The following TXNDC5 variants were observed in gnomAD, a reference collection of about 807,000 sequenced individuals.
The protein encoded by TXNDC5 is thioredoxin domain-containing protein 5.
A neutral mutation model predicts 52.6 loss-of-function variants in TXNDC5; 44 were observed. The ratio of observed to expected loss-of-function variants is 0.84; its 90% CI spans 0.66 to 1.08. The LOEUF (loss-of-function observed/expected upper bound fraction) is 1.08. Among genes scored for constraint, TXNDC5 ranks in the 50% least tolerant of loss-of-function variants. TXNDC5 has a pLI of 0.00. For synonymous variants in TXNDC5, 241 were observed against 234.4 expected, an observed-to-expected ratio of 1.03 and a Z score of -0.26; for missense variants, 600 against 565.5, an observed-to-expected ratio of 1.06 and a Z score of -0.62.
rs919701908 is a variant in TXNDC5 at position 7,882,211 on chromosome 6, A to G, written c.*933T>C. ...TCTAGAACTCTAGTTAGGGCCCTTC[A>G]GCAGGGCTGCAGAGCCTCCCTGGAT... On this transcript the variant is annotated 3_prime_UTR_variant, in exon 10 of 10. Coordinates refer to ENST00000379757, the MANE Select transcript of TXNDC5 (RefSeq NM_030810.5). 2.6e-5 allele frequency: 4 copies of G among 152,650 alleles called. No homozygotes were observed. Among genetic ancestry groups the G allele is most frequent in the African/African-American group, 9.6e-5 (4 of 41,464 alleles). The allele number at this position is 152,650 out of a possible 1,614,324, so 9.5% of individuals were successfully genotyped here. A position where few individuals can be genotyped will look rare whatever the true frequency, so the allele number is the denominator to read the frequency against.
chr6:7,907,214 CAATA>C (rs1760766846), intron 1 of TXNDC5, among the ~76,000 whole-genome samples: 1 of 145,140 alleles, frequency 6.9e-6, no homozygotes, highest in Non-Finnish European at 1.5e-5. Flanking sequence ...TGAGAATAAA[CAATA>C]AATAAGTTTG....
At chr6:7,904,546 G>A (rs370884300) in intron 2 of TXNDC5, 28 bp downstream of exon 2, 14 of 1,610,574 alleles carry the variant, frequency 8.7e-6, no homozygotes, top group Non-Finnish European at 1.0e-5. Flanking sequence ...AGCCACCTAG[G>A]AAGTGTGCCC....
intron 5 of TXNDC5, among the ~76,000 whole-genome samples, chr6:7,890,675 G>T (rs894034366): frequency 6.6e-6 from 1 of 152,034 alleles, no homozygotes; most frequent in Non-Finnish European, 1.5e-5. Flanking sequence ...ATATATTATC[G>T]TAAGCGTTTA....
chr6:7,897,302 G>C (rs952885008), intron 3 of TXNDC5, among the ~76,000 whole-genome samples: 10 of 152,132 alleles, frequency 6.6e-5, no homozygotes, highest in African/African-American at 2.4e-4. Flanking sequence ...ATTGTCTTTT[G>C]AGTTTCTTGA....
At chr6:7,890,311 A>G (rs1163613630) in intron 5 of TXNDC5, among the ~76,000 whole-genome samples, 1 of 152,208 alleles carries the variant, frequency 6.6e-6, no homozygotes, top group Non-Finnish European at 1.5e-5. Context: ...GGGGGTAAAA[A>G]TACTATTTCA....
intron 1 of TXNDC5, among the ~76,000 whole-genome samples, chr6:7,905,396 T>G (rs1406161222): frequency 6.6e-6 from 1 of 152,238 alleles, no homozygotes; most frequent in Non-Finnish European, 1.5e-5. Context: ...CACCTGCAAT[T>G]TTCTCCAATG....
chr6:7,882,971 G>T lies in TXNDC5; in HGVS notation c.*173C>A, dbSNP rs1234098617. On this transcript the variant is annotated 3_prime_UTR_variant, in exon 10 of 10. Transcript: ENST00000379757. ...ACTTAGAGAAACTTAACTTAATAAAGAATCTGTAGAGTGTGTTGGCTTGGA... is the reference window on the plus strand; with the variant it reads ...ACTTAGAGAAACTTAACTTAATAAATAATCTGTAGAGTGTGTTGGCTTGGA... 1.3e-6 allele frequency: 1 copy of T among 777,714 alleles called. No homozygotes were observed. The highest frequency in any genetic ancestry group is 2.0e-6 in the Non-Finnish European group (1 of 509,222). 48.2% of individuals were successfully genotyped at this position (777,714 alleles called of 1,614,324 possible).
chr6:7,886,073 G>A (rs764852374), intron 7 of TXNDC5, 30 bp from the exon 8 acceptor site: 2 of 1,599,564 alleles, frequency 1.3e-6, no homozygotes, highest in African/African-American at 1.3e-5. Context: ...CACAGTTCAA[G>A]TACATCCCTT....
At chr6:7,883,434 G>A (rs1184396516) in intron 9 of TXNDC5, among the ~76,000 whole-genome samples, 168 bp from the exon 10 acceptor site, 1 of 152,188 alleles carries the variant, frequency 6.6e-6, no homozygotes, top group Non-Finnish European at 1.5e-5. Context: ...TGTTTAGAAA[G>A]CACAGCCGTG....
At chr6:7,908,437 T>G (rs1760807070) in intron 1 of TXNDC5, among the ~76,000 whole-genome samples, 1 of 151,894 alleles carries the variant, frequency 6.6e-6, no homozygotes, top group Non-Finnish European at 1.5e-5. Flanking sequence ...CAGGACTAGC[T>G]GGTATTTATT....
intron 8 of TXNDC5, 103 bp downstream of exon 8, chr6:7,885,858 C>T (rs900090823): frequency 5.1e-6 from 5 of 984,498 alleles, no homozygotes; most frequent in Non-Finnish European, 7.6e-6. Flanking sequence ...ATAAATGTAA[C>T]ATGTGCCCAA....
intron 2 of TXNDC5, 156 bp from the exon 3 acceptor site, chr6:7,899,837 T>G: frequency 1.8e-6 from 1 of 540,764 alleles, no homozygotes; most frequent in East Asian, 3.2e-5. Flanking sequence ...AACATAACGT[T>G]CCAGGAGATA....
chr6:7,910,152 C>T, intron 1 of TXNDC5: 1 of 988,670 alleles, frequency 1.0e-6, no homozygotes, highest in Non-Finnish European at 1.2e-6. Context: ...ACCGCCCCGG[C>T]CGCCGAGCGC....
chr6:7,883,182 G>GT lies in TXNDC5; in HGVS notation c.1260dup (p.His421ThrfsTer80). The GT allele has an allele frequency of 1.9e-6, 3 of 1,614,212 alleles. No homozygotes were observed. Among genetic ancestry groups the GT allele is most frequent in the Non-Finnish European group, 2.5e-6 (3 of 1,180,030 alleles). On this transcript the variant is annotated frameshift_variant, in exon 10 of 10. Coordinates refer to ENST00000379757, the MANE Select transcript of TXNDC5 (RefSeq NM_030810.5). LOFTEE classifies it high-confidence loss of function. ...TTCGCTTGGCTCAGGACAAAGCGGT[G>GT]TAACGAGTCAAGGTCTCTGCCTCCA... is the stretch of plus-strand genomic sequence containing the variant.
intron 8 of TXNDC5, among the ~76,000 whole-genome samples, chr6:7,885,081 T>C (rs1759918414): frequency 6.6e-6 from 1 of 152,216 alleles, no homozygotes; most frequent in Non-Finnish European, 1.5e-5. Flanking sequence ...TTTTGATACT[T>C]GATCTGTGGA....
At chr6:7,884,218 C>CCAAA in intron 9 of TXNDC5, 141 bp downstream of exon 9, 1 of 1,171,788 alleles carries the variant, frequency 8.5e-7, no homozygotes, top group Non-Finnish European at 1.2e-6. Context: ...TTTTGCTTCT[C>CCAAA]CAAACAAACA....
At chr6:7,884,323 C>T (rs374919879) in intron 9 of TXNDC5, 36 bp downstream of exon 9, 103 of 1,612,818 alleles carry the variant, frequency 6.4e-5, no homozygotes, top group Non-Finnish European at 8.5e-5. Context: ...TGCCCCCATA[C>T]TGAGAGCTCC....
Position 7,910,512 on chromosome 6 carries a change from AC to A in TXNDC5, c.263+1del, listed in dbSNP as rs1336527305. 7.0e-7 allele frequency: 1 copy of A among 1,434,450 alleles called. No individual in the cohort carries two copies. Among genetic ancestry groups the A allele is most frequent in the Non-Finnish European group, 9.2e-7 (1 of 1,081,956 alleles). The allele number at this position is 1,434,450 out of a possible 1,614,324, so 88.9% of individuals were successfully genotyped here. The stretch of plus-strand genomic sequence containing the variant: ...GCAGGGCGCCGGCCTGCGCGGCGTT[AC>A]CAGGGCGCGAAGAACATGACGAAGT... On this transcript the variant is annotated splice_donor_variant, in intron 1 of 9. Coordinates refer to ENST00000379757, the MANE Select transcript of TXNDC5 (RefSeq NM_030810.5). LOFTEE classifies it high-confidence loss of function.
In TXNDC5 at chr6:7,888,868, G is replaced by A. The variant is rs575410423; in HGVS notation, c.820-20C>T. On this transcript the variant is annotated intron_variant, in intron 6 of 9. Coordinates refer to ENST00000379757, the MANE Select transcript of TXNDC5 (RefSeq NM_030810.5). ...ATCCACCTGGCCAAGACACGGGCAC[G>A]CGGCTGAGTGAGTCCACTGAGGTGT... 5.7e-6 allele frequency: 9 copies of A among 1,587,696 alleles called. No homozygotes were observed. Among genetic ancestry groups the A allele is most frequent in the Admixed American group, 1.7e-5 (1 of 57,554 alleles).
Sources: gnomAD v4.1 joint callset for allele counts (sites outside exome capture counted in the v4.1 genomes callset) on GRCh38, gnomAD v4.1.1 for gene constraint, MANE v1.5 for transcripts, NCBI Gene and HGNC (gene_info 2026-07-23, HGNC 2026-07-21) for gene names.